SLC25A20: variants seen among roughly 807,000 people sequenced by gnomAD.
SLC25A20 encodes the protein solute carrier family 25 member 20.
A neutral mutation model predicts 39.7 loss-of-function variants in SLC25A20; 29 were observed. The observed-to-expected ratio is 0.73, with a 90% confidence interval of 0.54 to 1.00. The LOEUF (loss-of-function observed/expected upper bound fraction) is 1.00. Among genes scored for constraint, SLC25A20 ranks in the 50% least tolerant of loss-of-function variants. The pLI, the probability that SLC25A20 is intolerant of heterozygous loss-of-function variation, is 0.00. For missense variants in SLC25A20, 333 were observed against 379.9 expected (o/e 0.88, Z 1.03); for synonymous variants, 103 against 142.2 (o/e 0.72, Z 1.96).
chr3:48,889,090 CAAA>C (rs1229068986), intron 2 of SLC25A20, among the ~76,000 whole-genome samples: 3 of 135,740 alleles, frequency 2.2e-5, no homozygotes, highest in East Asian at 2.1e-4. Flanking sequence ...AACTCCGTCT[CAAA>C]AAAAAAAAAG....
intron 6 of SLC25A20, 46 bp from the exon 7 acceptor site, chr3:48,859,247 G>C (rs367871622): frequency 1.2e-5 from 18 of 1,539,970 alleles, no homozygotes; most frequent in Non-Finnish European, 1.3e-5. Context: ...GGCTGTGAGA[G>C]TGGCATTCAG....
intron 2 of SLC25A20, among the ~76,000 whole-genome samples, chr3:48,885,737 G>C (rs2083824970): frequency 6.6e-6 from 1 of 152,088 alleles, no homozygotes; most frequent in South Asian, 2.1e-4. Context: ...GGGAGGCAAA[G>C]GTTGCAGTGA....
At chr3:48,870,155 T>C (rs988046059) in intron 4 of SLC25A20, among the ~76,000 whole-genome samples, 5 of 152,084 alleles carry the variant, frequency 3.3e-5, no homozygotes, top group African/African-American at 1.2e-4. Context: ...ATCCCAGCAC[T>C]TTGGGAGGCC....
At chr3:48,871,752 G>A (rs1324507672) in intron 4 of SLC25A20, among the ~76,000 whole-genome samples, 2 of 139,536 alleles carry the variant, frequency 1.4e-5, no homozygotes, top group African/African-American at 5.3e-5. Context: ...GGGCAACAAA[G>A]AGCGAAACTC....
At chr3:48,868,281 T>C (rs1291821027) in intron 4 of SLC25A20, among the ~76,000 whole-genome samples, 1 of 151,540 alleles carries the variant, frequency 6.6e-6, no homozygotes, top group African/African-American at 2.4e-5. Flanking sequence ...TAGGACTAAG[T>C]GAATGTCTGA....
rs757552268 is a variant in SLC25A20 at position 48,883,995 on chromosome 3, AC to A, written c.326+1del. On this transcript the variant is annotated splice_donor_variant, in intron 3 of 8. Coordinates refer to ENST00000319017, the MANE Select transcript of SLC25A20 (RefSeq NM_000387.6). LOFTEE classifies it high-confidence loss of function. ...AAGTGCTCCTGACCTGTAAGTACTC[AC>A]CTGAGCACATCTTCTGGGTGTTTCT... 5.6e-5 allele frequency: 90 copies of A among 1,613,208 alleles called. No individual in the cohort carries two copies. The highest frequency in any genetic ancestry group is 6.6e-5 in the Non-Finnish European group (78 of 1,179,512).
rs538256273 is a variant in SLC25A20 at position 48,876,561 on chromosome 3, G to A, written c.417+2797C>T. ...CTGCCTCAGCCTCCCGAGTAGCTGG[G>A]ATTACAAGCATGCACCACCACTCCT... On this transcript the variant is annotated intron_variant, in intron 4 of 8. Transcript: ENST00000319017. Among the ~76,000 whole-genome samples, 438 of 151,040 alleles carry A rather than the reference G, an allele frequency of 2.9e-3. 1 individual carries two copies. Among genetic ancestry groups the A allele is most frequent in the Admixed American group, 4.7e-3 (71 of 15,120 alleles).
chr3:48,895,005 TTTTA>T (rs1474540493), intron 1 of SLC25A20, among the ~76,000 whole-genome samples: 4 of 143,170 alleles, frequency 2.8e-5, no homozygotes, highest in Admixed American at 7.3e-5. Context: ...GTATATTTAT[TTTTA>T]TTTATTTATT....
intron 2 of SLC25A20, among the ~76,000 whole-genome samples, chr3:48,889,317 G>C (rs1266187971): frequency 6.6e-6 from 1 of 151,794 alleles, no homozygotes; most frequent in Non-Finnish European, 1.5e-5. Flanking sequence ...TTGAGCCTGG[G>C]AGGCAGAGGT....
At chr3:48,871,720 T>C (rs1216014723) in intron 4 of SLC25A20, among the ~76,000 whole-genome samples, 9 of 141,710 alleles carry the variant, frequency 6.4e-5, no homozygotes, top group South Asian at 4.4e-4. Flanking sequence ...TGAGCCAAGA[T>C]CGCACCATTG....
chr3:48,870,708 G>A (rs2083708408), intron 4 of SLC25A20, among the ~76,000 whole-genome samples: 1 of 150,062 alleles, frequency 6.7e-6, no homozygotes, highest in Non-Finnish European at 1.5e-5. Context: ...ATGGGGTTTC[G>A]CTATATTGCC....
At chr3:48,865,114 A>G (rs1168797385) in intron 4 of SLC25A20, among the ~76,000 whole-genome samples, 1 of 146,458 alleles carries the variant, frequency 6.8e-6, no homozygotes, top group Non-Finnish European at 1.5e-5. Context: ...AGTTCAGGAA[A>G]AGTCTGAGTT....
chr3:48,898,055 G>C (rs1371541410), intron 1 of SLC25A20, among the ~76,000 whole-genome samples: 1 of 152,208 alleles, frequency 6.6e-6, no homozygotes, highest in African/African-American at 2.4e-5. Context: ...GGAGTTGTGA[G>C]AATGAGGCTG....
chr3:48,863,643 C>G (rs1253368286), intron 4 of SLC25A20, among the ~76,000 whole-genome samples: 1 of 152,180 alleles, frequency 6.6e-6, no homozygotes, highest in Non-Finnish European at 1.5e-5. Context: ...GGGAGTTCAG[C>G]TTTAACAGTT....
intron 1 of SLC25A20, 110 bp downstream of exon 1, chr3:48,898,580 A>C: frequency 1.0e-6 from 1 of 974,382 alleles, no homozygotes; most frequent in Non-Finnish European, 1.6e-6. Context: ...CTTCTCACGG[A>C]AGCTCACACA....
chr3:48,879,339 C>A lies in SLC25A20; in HGVS notation c.417+19G>T. 6.4e-7 allele frequency: 1 copy of A among 1,550,442 alleles called. No homozygotes were observed. The highest frequency in any genetic ancestry group is 1.1e-5 in the South Asian group (1 of 89,780). ...AAACTGAAAGGAAAAAGCTATTTCC[C>A]CTCCAATCACAACCTTACCTGTAAT... On this transcript the variant is annotated intron_variant, in intron 4 of 8. Transcript: ENST00000319017.
rs1490268264 is a variant in SLC25A20, at chr3:48,873,621, T to C, written c.417+5737A>G. On this transcript the variant is annotated intron_variant, in intron 4 of 8. Transcript: ENST00000319017. ...GAGATAATGCCTTAAAAAAAACAAA[T>C]AAAATAAAATAAAACTTGTAAAAAA... is the stretch of plus-strand genomic sequence containing the variant. 2.8e-5 allele frequency among the ~76,000 whole-genome samples: 4 copies of C among 142,740 alleles called. No individual in the cohort carries two copies. The Admixed American group carries it at 2.8e-4, about 10-fold the overall frequency. 93.6% of individuals were successfully genotyped at this position (142,740 alleles called of 152,430 possible).
chr3:48,875,617 C>T (rs1470317159), intron 4 of SLC25A20, among the ~76,000 whole-genome samples: 1 of 152,104 alleles, frequency 6.6e-6, no homozygotes, highest in Admixed American at 6.6e-5. Context: ...TCCATATAGG[C>T]CAAGCAGGTC....
chr3:48,858,309 GC>G (rs1181331673), intron 8 of SLC25A20, among the ~76,000 whole-genome samples, 197 bp downstream of exon 8: 1 of 152,070 alleles, frequency 6.6e-6, no homozygotes, highest in Non-Finnish European at 1.5e-5. Flanking sequence ...GGAAATCAAA[GC>G]CCCTCACCTC....
Sources: gnomAD v4.1 joint callset for allele counts (sites outside exome capture counted in the v4.1 genomes callset) on GRCh38, gnomAD v4.1.1 for gene constraint, MANE v1.5 for transcripts, NCBI Gene and HGNC (gene_info 2026-07-23, HGNC 2026-07-21) for gene names.